The following ADAMTS2 variants were observed in gnomAD, a reference collection of about 807,000 sequenced individuals.
ADAMTS2 encodes A disintegrin and metalloproteinase with thrombospondin motifs 2.
ADAMTS2 carries 50 observed loss-of-function variants against 123.0 expected under a neutral mutation model. That is an observed-to-expected ratio of 0.41 (90% CI 0.32 to 0.51). The LOEUF (loss-of-function observed/expected upper bound fraction) is 0.51, where lower values mean the gene tolerates loss of function less well. Ranked by LOEUF, ADAMTS2 falls within the 20% of genes least tolerant of loss-of-function variation. The pLI is 0.35. For synonymous variants in ADAMTS2, 678 were observed against 695.4 expected, an observed-to-expected ratio of 0.98 and a Z score of 0.39; for missense variants, 1,494 against 1,705.2, an observed-to-expected ratio of 0.88 and a Z score of 2.18.
chr5:179,335,522 A>G (rs1757592212), intron 2 of ADAMTS2, among the ~76,000 whole-genome samples: 1 of 152,220 alleles, frequency 6.6e-6, no homozygotes, highest in East Asian at 1.9e-4. Context: ...TCTAATAATA[A>G]ACACAGCTTA....
chr5:179,244,731 C>T, intron 3 of ADAMTS2, among the ~76,000 whole-genome samples: 1 of 152,044 alleles, frequency 6.6e-6, no homozygotes, highest in East Asian at 1.9e-4. Context: ...ATTTGACTAA[C>T]AGCACAAAGC....
chr5:179,332,054 G>T lies in ADAMTS2; in HGVS notation c.534+11713C>A, dbSNP rs1255149604. Among the ~76,000 whole-genome samples the T allele has an allele frequency of 6.6e-6, 1 of 152,324 alleles. No individual in the cohort carries two copies. Among genetic ancestry groups the T allele is most frequent in the East Asian group, 1.9e-4 (1 of 5,192 alleles). On this transcript the variant is annotated intron_variant, in intron 2 of 21. Transcript: ENST00000251582. The surrounding 1 kb of genome is among the most constrained non-coding windows in gnomAD (Gnocchi z 4.2). ...GGCGGGTCCCACAACTCCCTCCTCA[G>T]GTTCTGTAATTTGCTATTAGGTTGG...
intron 3 of ADAMTS2, among the ~76,000 whole-genome samples, chr5:179,230,292 G>T (rs116756641): frequency 7.4e-4 from 112 of 152,310 alleles, no homozygotes; most frequent in African/African-American, 2.6e-3. Context: ...ACCAGAAAGT[G>T]CGGTCTGGAC....
At chr5:179,245,009 T>C (rs1433002172) in intron 3 of ADAMTS2, among the ~76,000 whole-genome samples, 2 of 152,228 alleles carry the variant, frequency 1.3e-5, no homozygotes, top group East Asian at 3.8e-4. Flanking sequence ...CCCCAGAACC[T>C]ATCTATCTGT....
intron 3 of ADAMTS2, among the ~76,000 whole-genome samples, chr5:179,239,799 A>G (rs1263655728): frequency 6.6e-6 from 1 of 152,138 alleles, no homozygotes; most frequent in African/African-American, 2.4e-5. Context: ...TCAGCAAAGG[A>G]AACGGGGATG....
rs1446766809 is a variant in ADAMTS2 at position 179,122,862 on chromosome 5, T to C, written c.2959-89A>G. The C allele has an allele frequency of 4.6e-6, 7 of 1,535,582 alleles. No individual in the cohort carries two copies. The East Asian group carries it at 1.7e-4, about 38-fold the overall frequency. ...GAGGAGCCCACAGTCCCCAGGCACATGACCCATGCGCTCAGGAGGAGGTGT... is the reference window on the plus strand; with the variant it reads ...GAGGAGCCCACAGTCCCCAGGCACACGACCCATGCGCTCAGGAGGAGGTGT... On this transcript the variant is annotated intron_variant, in intron 19 of 21. Transcript: ENST00000251582.
intron 10 of ADAMTS2, among the ~76,000 whole-genome samples, chr5:179,148,756 T>C (rs2113238452): frequency 6.6e-6 from 1 of 152,266 alleles, no homozygotes; most frequent in East Asian, 1.9e-4. Flanking sequence ...TTCTCATGCC[T>C]TGCTAAAACC....
chr5:179,178,278 G>A (rs552191978), intron 5 of ADAMTS2, among the ~76,000 whole-genome samples: 16 of 151,836 alleles, frequency 1.1e-4, no homozygotes, highest in Admixed American at 5.2e-4. Flanking sequence ...GCACCTCCCC[G>A]CCTGTGAATG....
chr5:179,149,899 A>G (rs1269742841), intron 10 of ADAMTS2, among the ~76,000 whole-genome samples: 2 of 152,078 alleles, frequency 1.3e-5, no homozygotes, highest in Non-Finnish European at 2.9e-5. Flanking sequence ...AATACATAAA[A>G]GGCAATTTCA....
Position 179,314,132 on chromosome 5 carries a change from C to A in ADAMTS2, c.534+29635G>T, listed in dbSNP as rs777560968. Among the ~76,000 whole-genome samples the A allele has an allele frequency of 6.6e-6, 1 of 152,274 alleles. No individual in the cohort carries two copies. Among genetic ancestry groups the A allele is most frequent in the Non-Finnish European group, 1.5e-5 (1 of 68,048 alleles). On this transcript the variant is annotated intron_variant, in intron 2 of 21. Transcript: ENST00000251582. This position sits in a 1 kb window ranked among gnomAD's most constrained non-coding sequence, Gnocchi z 4.5. ...TCCAGCTTCAGGCTCTGCATCCACA[C>A]GGAGGCTTCGGATTGGGCGCAGCCT...
Position 179,272,896 on chromosome 5 carries a change from C to T in ADAMTS2, c.688+15G>A. ...AGGGCTCTCCACACAGCCTGCCCAC[C>T]TGCAGTAGCCTCACCTGTGTCCAGG... is the stretch of plus-strand genomic sequence containing the variant. On this transcript the variant is annotated intron_variant, in intron 3 of 21. Transcript: ENST00000251582. This position sits in a 1 kb window ranked among gnomAD's most constrained non-coding sequence, Gnocchi z 5.8. 3 of 1,605,966 alleles carry T rather than the reference C, an allele frequency of 1.9e-6. No homozygotes were observed. The highest frequency in any genetic ancestry group is 2.5e-6 in the Non-Finnish European group (3 of 1,178,970).
In ADAMTS2 at chr5:179,162,653, C is replaced by T. The variant is rs1428012190; in HGVS notation, c.976-3774G>A. On this transcript the variant is annotated intron_variant, in intron 5 of 21. Transcript: ENST00000251582. The surrounding 1 kb of genome is among the most constrained non-coding windows in gnomAD (Gnocchi z 5.1). ...GAGACAACAAGAGAAGGCACCTCCC[C>T]TACAGAAGCCACAGTCTGCTTTTGA... Among the ~76,000 whole-genome samples, 1 of 152,234 alleles carries T rather than the reference C, an allele frequency of 6.6e-6. No individual in the cohort carries two copies. The highest frequency in any genetic ancestry group is 1.5e-5 in the Non-Finnish European group (1 of 68,036).
intron 13 of ADAMTS2, among the ~76,000 whole-genome samples, chr5:179,134,520 A>G (rs1252175108): frequency 6.6e-6 from 1 of 152,174 alleles, no homozygotes; most frequent in Non-Finnish European, 1.5e-5. Flanking sequence ...TGCCTTCCTC[A>G]GGAGCCCTCT....
intron 19 of ADAMTS2, among the ~76,000 whole-genome samples, chr5:179,123,398 CTG>C (rs1762795668): frequency 6.6e-6 from 1 of 152,200 alleles, no homozygotes; most frequent in African/African-American, 2.4e-5. Flanking sequence ...CAACAAAGGT[CTG>C]TGTTTTTGTT....
chr5:179,180,707 C>T lies in ADAMTS2; in HGVS notation c.975+365G>A, dbSNP rs757288533. Among the ~76,000 whole-genome samples, 6 of 152,192 alleles carry T rather than the reference C, an allele frequency of 3.9e-5. No individual in the cohort carries two copies. The highest frequency in any genetic ancestry group is 5.9e-5 in the Non-Finnish European group (4 of 68,040). On this transcript the variant is annotated intron_variant, in intron 5 of 21. Transcript: ENST00000251582. This position sits in a 1 kb window ranked among gnomAD's most constrained non-coding sequence, Gnocchi z 4.6. ...CAAACTGGCCAACCTTAAGCCAGCTCACCCTGTCCCCATCGGTCCTTCCTG... is the reference window on the plus strand; with the variant it reads ...CAAACTGGCCAACCTTAAGCCAGCTTACCCTGTCCCCATCGGTCCTTCCTG...
In ADAMTS2 at chr5:179,317,977, G is replaced by A. The variant is rs542855693; in HGVS notation, c.534+25790C>T. On this transcript the variant is annotated intron_variant, in intron 2 of 21. Transcript: ENST00000251582. The surrounding 1 kb of genome is among the most constrained non-coding windows in gnomAD (Gnocchi z 4.9). Reference sequence around the variant, plus strand: ...GGAGCCGGGACATGAGGAACGGGCAGTGATGAATCTGAAGCCCTGCTGGTC... The same window carrying A: ...GGAGCCGGGACATGAGGAACGGGCAATGATGAATCTGAAGCCCTGCTGGTC... 8.5e-5 allele frequency among the ~76,000 whole-genome samples: 13 copies of A among 152,336 alleles called. No individual in the cohort carries two copies. The highest frequency in any genetic ancestry group is 2.9e-4 in the African/African-American group (12 of 41,570).
intron 3 of ADAMTS2, among the ~76,000 whole-genome samples, chr5:179,223,567 A>G (rs1390088357): frequency 6.9e-6 from 1 of 145,072 alleles, no homozygotes; most frequent in Non-Finnish European, 1.5e-5. Context: ...CACACACGCG[A>G]ATGCACTCGC....
intron 2 of ADAMTS2, among the ~76,000 whole-genome samples, chr5:179,278,208 A>G (rs1766799013): frequency 7.2e-6 from 1 of 138,780 alleles, no homozygotes. Context: ...CCATCAGCTG[A>G]CGTCCTGCCA....
rs758599662 is a variant in ADAMTS2 at position 179,136,017 on chromosome 5, G to C, written c.1977C>G (p.Cys659Trp). Residue 659 changes from cysteine to tryptophan, a missense_variant, in exon 13 of 22, where the codon TGC becomes TGG. Transcript: ENST00000251582. ...CCACCTCCCCGGTCTCCCTGGACTC[G>C]CAGTACAGGTGGCATCTCTCCTTGG... is the stretch of plus-strand genomic sequence containing the variant. The part of the protein sequence containing the change: ...RDAKERCHLY[C>W]ESRETGEVVS... 2.5e-6 allele frequency: 4 copies of C among 1,613,296 alleles called. No homozygotes were observed. Among genetic ancestry groups the C allele is most frequent in the African/African-American group, 1.3e-5 (1 of 74,914 alleles).
Sources: gnomAD v4.1 joint callset for allele counts (sites outside exome capture counted in the v4.1 genomes callset) on GRCh38, gnomAD v4.1.1 for gene constraint, Gnocchi (gnomAD v3.1) non-coding constraint, MANE v1.5 for transcripts, NCBI Gene and HGNC (gene_info 2026-07-23, HGNC 2026-07-21) for gene names.